Variants in VWC2L observed in about 807,000 individuals in gnomAD.
VWC2L encodes von Willebrand factor C domain containing 2 like, also known as von Willebrand factor C domain-containing protein 2-like.
A neutral mutation model predicts 21.6 loss-of-function variants in VWC2L; 10 were observed. That is an observed-to-expected ratio of 0.46 (90% CI 0.29 to 0.78). VWC2L has a LOEUF of 0.78. Among genes scored for constraint, VWC2L ranks in the 30% least tolerant of loss-of-function variants. The probability of loss-of-function intolerance (pLI) is 0.10; values close to 1 mark genes in which losing one functional copy is unlikely to be tolerated. For missense variants in VWC2L, 209 were observed against 277.1 expected (o/e 0.75, Z 1.74); for synonymous variants, 96 against 94.3 (o/e 1.02, Z -0.10).
chr2:214,507,837 G>A (rs1302396670), intron 3 of VWC2L, among the ~76,000 whole-genome samples: 2 of 152,086 alleles, frequency 1.3e-5, no homozygotes. Context: ...CTGGGGAATG[G>A]GTTTCAAGGA....
At chr2:214,520,261 G>A (rs1689214649) in intron 3 of VWC2L, among the ~76,000 whole-genome samples, 1 of 151,944 alleles carries the variant, frequency 6.6e-6, no homozygotes, top group South Asian at 2.1e-4. Flanking sequence ...TAGAATCCTG[G>A]GGGTTTGCAT....
Position 214,506,761 on chromosome 2 carries a change from A to T in VWC2L, c.521-68911A>T, listed in dbSNP as rs573912876. 7.2e-5 allele frequency among the ~76,000 whole-genome samples: 11 copies of T among 152,272 alleles called. No homozygotes were observed. The East Asian group carries it at 1.2e-3, about 16-fold the overall frequency. ...AGTTTAAAATATGTATTGATCACTC[A>T]TTTAGTTAATTATGGAGCCAATAAA... On this transcript the variant is annotated intron_variant, in intron 3 of 3. Coordinates refer to ENST00000312504, the MANE Select transcript of VWC2L (RefSeq NM_001080500.4).
Position 214,495,118 on chromosome 2 carries a change from ATTGAT to A in VWC2L, c.520+58365_520+58369del, listed in dbSNP as rs148905003. The stretch of plus-strand genomic sequence containing the variant: ...TTTTTATTGTTCTTGCTTTTTTTAT[ATTGAT>A]TTGACTTTAAACTTCTCAAGATTGG... On this transcript the variant is annotated intron_variant, in intron 3 of 3. Transcript: ENST00000312504. Among the ~76,000 whole-genome samples the A allele has an allele frequency of 8.8e-3, 1,346 of 152,124 alleles. 18 individuals are homozygous for A. Among genetic ancestry groups the A allele is most frequent in the African/African-American group, 0.031 (1,269 of 41,496 alleles).
At chr2:214,471,332 C>T (rs1339623567) in intron 3 of VWC2L, among the ~76,000 whole-genome samples, 6 of 152,144 alleles carry the variant, frequency 3.9e-5, no homozygotes, top group African/African-American at 1.4e-4. Flanking sequence ...TCATCAGTGA[C>T]TAAAGTTGAA....
At chr2:214,460,863 A>G (rs369915382) in intron 3 of VWC2L, among the ~76,000 whole-genome samples, 4 of 152,084 alleles carry the variant, frequency 2.6e-5, no homozygotes, top group East Asian at 3.8e-4. Context: ...GTATCTGCAC[A>G]TCTAATAGGA....
chr2:214,499,489 C>A (rs1408666677), intron 3 of VWC2L, among the ~76,000 whole-genome samples: 1 of 127,018 alleles, frequency 7.9e-6, no homozygotes, highest in East Asian at 2.4e-4. Flanking sequence ...ACATCACACA[C>A]TGGAGCCTGT....
intron 3 of VWC2L, among the ~76,000 whole-genome samples, chr2:214,505,124 G>C (rs561904536): frequency 3.3e-5 from 5 of 152,120 alleles, no homozygotes; most frequent in Non-Finnish European, 7.4e-5. Flanking sequence ...CTGTGTTCTC[G>C]TTTCCTATTT....
chr2:214,434,851 C>A (rs1403766351), intron 2 of VWC2L, among the ~76,000 whole-genome samples: 2 of 152,010 alleles, frequency 1.3e-5, no homozygotes, highest in African/African-American at 4.8e-5. Flanking sequence ...AATTTTTATT[C>A]CCTGAATCAA....
At chr2:214,575,353 G>A (rs1366481588) in intron 3 of VWC2L, among the ~76,000 whole-genome samples, 2 of 152,072 alleles carry the variant, frequency 1.3e-5, no homozygotes, top group African/African-American at 2.4e-5. Context: ...CACCTCAGAG[G>A]ACAAAACAAA....
chr2:214,448,990 G>C, intron 3 of VWC2L, among the ~76,000 whole-genome samples: 1 of 152,086 alleles, frequency 6.6e-6, no homozygotes, highest in East Asian at 1.9e-4. Context: ...GGACCCTCCT[G>C]CTGTTCCCGT....
chr2:214,525,790 T>C (rs549617508), intron 3 of VWC2L, among the ~76,000 whole-genome samples: 1 of 152,322 alleles, frequency 6.6e-6, no homozygotes, highest in Non-Finnish European at 1.5e-5. Context: ...TCCACTTGAA[T>C]TGAAGGAACC....
chr2:214,540,777 CAGAA>C (rs1689615123), intron 3 of VWC2L, among the ~76,000 whole-genome samples: 1 of 152,118 alleles, frequency 6.6e-6, no homozygotes, highest in Non-Finnish European at 1.5e-5. Flanking sequence ...AACAATACAT[CAGAA>C]AGCAAGACAA....
intron 3 of VWC2L, among the ~76,000 whole-genome samples, chr2:214,465,537 TCTC>T (rs1198581041): frequency 6.6e-6 from 1 of 152,124 alleles, no homozygotes; most frequent in Non-Finnish European, 1.5e-5. Context: ...TACTCTCCCT[TCTC>T]CTCTAGTTGA....
intron 2 of VWC2L, 101 bp from the exon 3 acceptor site, chr2:214,436,528 A>G: frequency 1.4e-6 from 2 of 1,427,630 alleles, no homozygotes; most frequent in Non-Finnish European, 1.9e-6. Context: ...AATACAGTAA[A>G]GCCAATATAA....
At chr2:214,465,740 G>C (rs1204096901) in intron 3 of VWC2L, among the ~76,000 whole-genome samples, 1 of 152,114 alleles carries the variant, frequency 6.6e-6, no homozygotes, top group Non-Finnish European at 1.5e-5. Flanking sequence ...GTTTATTTAG[G>C]ACCCCTAAGC....
chr2:214,441,314 TAAGA>T (rs1374082872), intron 3 of VWC2L, among the ~76,000 whole-genome samples: 3 of 151,268 alleles, frequency 2.0e-5, no homozygotes, highest in Non-Finnish European at 4.4e-5. Context: ...TTAAAATAAA[TAAGA>T]AAGGAAAACG....
At chr2:214,520,054 G>GTT (rs1689207676) in intron 3 of VWC2L, among the ~76,000 whole-genome samples, 1 of 44,004 alleles carries the variant, frequency 2.3e-5, no homozygotes. Flanking sequence ...ATTTGCTCCT[G>GTT]TTATACACAC....
At chr2:214,449,612 G>T (rs1702923552) in intron 3 of VWC2L, among the ~76,000 whole-genome samples, 1 of 152,200 alleles carries the variant, frequency 6.6e-6, no homozygotes, top group South Asian at 2.1e-4. Context: ...TGTGGCAGTG[G>T]CAGGAAGCCC....
At chr2:214,514,730 C>T in intron 3 of VWC2L, among the ~76,000 whole-genome samples, 1 of 152,196 alleles carries the variant, frequency 6.6e-6, no homozygotes, top group East Asian at 1.9e-4. Flanking sequence ...GGGCTGGATC[C>T]TGTAAATACA....
Sources: gnomAD v4.1 joint callset for allele counts (sites outside exome capture counted in the v4.1 genomes callset) on GRCh38, gnomAD v4.1.1 for gene constraint, MANE v1.5 for transcripts, NCBI Gene and HGNC (gene_info 2026-07-23, HGNC 2026-07-21) for gene names.